TPR: variants seen among roughly 807,000 people sequenced by gnomAD.
TPR encodes nucleoprotein TPR.
TPR carries 51 observed loss-of-function variants against 316.1 expected under a neutral mutation model. The observed-to-expected ratio is 0.16, with a 90% confidence interval of 0.13 to 0.20. TPR has a LOEUF of 0.20. Among genes scored for constraint, TPR ranks in the 10% least tolerant of loss-of-function variants. TPR has a pLI of 1.00. For missense variants in TPR, 2,272 were observed against 2,754.8 expected (o/e 0.82, Z 3.92); for synonymous variants, 981 against 914.7 (o/e 1.07, Z -1.31).
chr1:186,314,551 G>T, intron 50 of TPR, 78 bp downstream of exon 50: 1 of 1,098,562 alleles, frequency 9.1e-7, no homozygotes. Context: ...TAAATTGGAG[G>T]CTTAAGGATT....
intron 9 of TPR, among the ~76,000 whole-genome samples, chr1:186,361,226 AT>A (rs1336619698): frequency 3.3e-5 from 5 of 152,040 alleles, no homozygotes; most frequent in Non-Finnish European, 5.9e-5. Flanking sequence ...GACCATAAAT[AT>A]AATACATTGA....
chr1:186,326,232 A>G lies in TPR; in HGVS notation c.5893T>C (p.Tyr1965His). ...TCATCATCTTCCTCATCCTCTTCATAATCCTAGTAGAAAGTTCCCCAGGCA... is the reference window on the plus strand; with the variant it reads ...TCATCATCTTCCTCATCCTCTTCATGATCCTAGTAGAAAGTTCCCCAGGCA... The part of the protein sequence containing the change: ...DDENDGEHED[Y>H]EEDEEDDDDD... Residue 1965 changes from tyrosine to histidine, a missense_variant, in exon 41 of 51, where the codon TAT becomes CAT. Physicochemically the swap from Tyr to His is moderately conservative, Grantham distance 83. Coordinates refer to ENST00000367478, the MANE Select transcript of TPR (RefSeq NM_003292.3). 6.2e-7 allele frequency: 1 copy of G among 1,607,552 alleles called. No homozygotes were observed. Among genetic ancestry groups the G allele is most frequent in the Non-Finnish European group, 8.5e-7 (1 of 1,176,712 alleles).
In TPR at chr1:186,350,285, T is replaced by A. The variant is rs1309252943; in HGVS notation, c.2714A>T (p.Lys905Ile). ...KNAQKEIATL[K>I]QHLSNMEVQV... is the part of the protein sequence containing the mutation. ...GACTTCCATATTACTGAGGTGCTGT[T>A]TCAATGTGGCAATTTCTTTTTGAGC... Residue 905 changes from lysine (K) to isoleucine (I), a missense_variant, in exon 21 of 51, where the codon AAA (lysine) becomes ATA (isoleucine). Coordinates refer to ENST00000367478, the MANE Select transcript of TPR (RefSeq NM_003292.3). 2.5e-6 allele frequency: 4 copies of A among 1,613,908 alleles called. No homozygotes were observed. Among genetic ancestry groups the A allele is most frequent in the Non-Finnish European group, 3.4e-6 (4 of 1,179,934 alleles).
intron 48 of TPR, 57 bp downstream of exon 48, chr1:186,318,390 C>T: frequency 6.6e-7 from 1 of 1,515,748 alleles, no homozygotes; most frequent in Non-Finnish European, 8.8e-7. Flanking sequence ...TAAAGGAAAA[C>T]AAATGTACAA....
At position 186,346,182 on chromosome 1, in the gene TPR, C is replaced by G. The variant is rs1189446789; in HGVS notation, c.3049G>C (p.Glu1017Gln). The G allele has an allele frequency of 2.5e-6, 4 of 1,613,098 alleles. No individual in the cohort carries two copies. Among genetic ancestry groups the G allele is most frequent in the Non-Finnish European group, 3.4e-6 (4 of 1,179,630 alleles). Residue 1017 changes from glutamate (E) to glutamine (Q), a missense_variant, in exon 23 of 51, where the codon GAA (glutamate) becomes CAA (glutamine). Physicochemically the swap from Glu to Gln is conservative, Grantham distance 29. Coordinates refer to ENST00000367478, the MANE Select transcript of TPR (RefSeq NM_003292.3). ...KLMEVEKEKQ[E>Q]LQDDKRRAIE... ...GCTCTTCTTTTATCATCCTGAAGTT[C>G]TTGTTTTTCCTTCTCTACTTCCATC... is the stretch of plus-strand genomic sequence containing the variant.
chr1:186,321,534 A>G (rs753367196), intron 45 of TPR, among the ~76,000 whole-genome samples: 7 of 152,226 alleles, frequency 4.6e-5, no homozygotes, highest in Non-Finnish European at 1.0e-4. Context: ...TCTGTGCTTC[A>G]GTATACTATA....
intron 7 of TPR, among the ~76,000 whole-genome samples, 164 bp downstream of exon 7, chr1:186,362,124 G>C (rs1207472198): frequency 1.3e-5 from 2 of 151,718 alleles, no homozygotes; most frequent in African/African-American, 2.4e-5. Flanking sequence ...ACATATAATT[G>C]CTATTTCTGA....
intron 46 of TPR, 80 bp from the exon 47 acceptor site, chr1:186,318,908 A>G (rs1259642448): frequency 9.7e-6 from 13 of 1,335,964 alleles, no homozygotes; most frequent in Admixed American, 3.6e-5. Context: ...AAAGAAAAAT[A>G]TTAATTATTG....
intron 17 of TPR, 56 bp downstream of exon 17, chr1:186,355,354 T>A: frequency 6.5e-7 from 1 of 1,541,314 alleles, no homozygotes; most frequent in South Asian, 1.2e-5. Context: ...TTAAATGATT[T>A]GAATTGTAAA....
rs946556861 is a variant in TPR at position 186,360,473 on chromosome 1, A to G, written c.1100-109T>C. 1.2e-5 allele frequency: 14 copies of G among 1,175,132 alleles called. No homozygotes were observed. The African/African-American group carries it at 2.0e-4, about 17-fold the overall frequency. The allele number at this position is 1,175,132 out of a possible 1,614,324, so 72.8% of individuals were successfully genotyped here. On this transcript the variant is annotated intron_variant, in intron 10 of 50. Coordinates refer to ENST00000367478, the MANE Select transcript of TPR (RefSeq NM_003292.3). ...TACTGTACATTATATAGTAATTCCT[A>G]TAAAAATTTTAAATACATGACATCA... is the stretch of plus-strand genomic sequence containing the variant.
In TPR at chr1:186,322,574, T is replaced by A; in HGVS notation, c.6310A>T (p.Thr2104Ser). ...CCACGTCCTACAGACTGCCTTCGGG[T>A]CATCTGAATTCTCTGCGTGTCAAGA... ...LGPPVQRIQM[T>S]RRQSVGRGLQ... The change falls in exon 44 of 51, where the codon ACC becomes TCC. Residue 2104 changes from threonine to serine, a missense_variant. Coordinates refer to ENST00000367478, the MANE Select transcript of TPR (RefSeq NM_003292.3). 6.2e-7 allele frequency: 1 copy of A among 1,614,070 alleles called. No individual in the cohort carries two copies. Among genetic ancestry groups the A allele is most frequent in the Non-Finnish European group, 8.5e-7 (1 of 1,179,946 alleles).
intron 40 of TPR, among the ~76,000 whole-genome samples, chr1:186,326,899 T>C (rs946629277): frequency 1.4e-5 from 2 of 138,174 alleles, no homozygotes; most frequent in African/African-American, 5.4e-5. Context: ...AAAATGGGCA[T>C]TCCATCACTG....
intron 45 of TPR, among the ~76,000 whole-genome samples, chr1:186,321,354 T>C (rs1437784676): frequency 6.6e-6 from 1 of 152,208 alleles, no homozygotes; most frequent in Non-Finnish European, 1.5e-5. Flanking sequence ...AAGCAACTAA[T>C]ACCTTAGCCA....
Position 186,343,947 on chromosome 1 carries a change from A to T in TPR, c.3561T>A (p.Ser1187Arg). The T allele has an allele frequency of 6.2e-7, 1 of 1,613,556 alleles. No individual in the cohort carries two copies. The highest frequency in any genetic ancestry group is 8.5e-7 in the Non-Finnish European group (1 of 1,179,846). ...TTTGTTCTTGAGATTTTCCTTCTTC[A>T]CTGAGAGATACATTCAGTGGACCTT... ...GVQGPLNVSLSEEGKSQEQIL... is the reference protein window; with the variant it reads ...GVQGPLNVSLREEGKSQEQIL... Residue 1187 changes from serine (S) to arginine (R), a missense_variant, in exon 26 of 51, where the codon AGT becomes AGA. Coordinates refer to ENST00000367478, the MANE Select transcript of TPR (RefSeq NM_003292.3).
At chr1:186,372,304 C>G (rs570290080) in intron 2 of TPR, among the ~76,000 whole-genome samples, 2 of 152,126 alleles carry the variant, frequency 1.3e-5, no homozygotes, top group Non-Finnish European at 2.9e-5. Flanking sequence ...CACTTTGGGA[C>G]GCCGAGGCGG....
intron 2 of TPR, among the ~76,000 whole-genome samples, chr1:186,372,970 C>T (rs1490926599): frequency 6.6e-6 from 1 of 152,186 alleles, no homozygotes; most frequent in Non-Finnish European, 1.5e-5. Flanking sequence ...AAGCCACTCT[C>T]TACTTCTTTA....
In TPR at chr1:186,321,986, G is replaced by A. The variant is rs144132856; in HGVS notation, c.6461+332C>T. On this transcript the variant is annotated intron_variant, in intron 45 of 50. Coordinates refer to ENST00000367478, the MANE Select transcript of TPR (RefSeq NM_003292.3). Reference sequence around the variant, plus strand: ...TTATTCCCATTTTTAAAATGAAGGTGCTCATGAACAGAGAACCTAAGGAAC... The same window carrying A: ...TTATTCCCATTTTTAAAATGAAGGTACTCATGAACAGAGAACCTAAGGAAC... Among the ~76,000 whole-genome samples the A allele has an allele frequency of 2.8e-3, 424 of 152,322 alleles. 6 individuals carry two copies. The highest frequency in any genetic ancestry group is 0.021 in the Admixed American group (323 of 15,300).
chr1:186,360,195 G>T, intron 11 of TPR, 78 bp downstream of exon 11: 1 of 1,491,914 alleles, frequency 6.7e-7, no homozygotes, highest in Admixed American at 2.1e-5. Flanking sequence ...AATAAGTTTT[G>T]GGAGAATTAA....
intron 40 of TPR, 46 bp from the exon 41 acceptor site, chr1:186,326,281 C>A: frequency 3.9e-6 from 6 of 1,558,416 alleles, no homozygotes; most frequent in Non-Finnish European, 3.5e-6. Flanking sequence ...AGAATATGGC[C>A]CACATGCTCT....
Sources: allele counts gnomAD v4.1 joint callset (sites outside exome capture counted in the v4.1 genomes callset), GRCh38; gene constraint gnomAD v4.1.1; transcripts MANE v1.5; gene names NCBI Gene and HGNC (gene_info 2026-07-23, HGNC 2026-07-21).